The following MYO16 variants were observed in gnomAD, a reference collection of about 807,000 sequenced individuals.
MYO16 encodes unconventional myosin-XVI.
In MYO16, 94 loss-of-function variants were observed where a neutral mutation model predicts 205.3. The ratio of observed to expected loss-of-function variants is 0.46; its 90% CI spans 0.39 to 0.54. MYO16 has a LOEUF of 0.54. MYO16 is among the 20% of genes least tolerant of loss of function. The pLI is 0.00. For synonymous variants in MYO16, 988 were observed against 954.0 expected (o/e 1.04, Z -0.66); for missense variants, 2,315 against 2,387.5 (o/e 0.97, Z 0.63).
chr13:108,847,157 G>T (rs1877564828), intron 10 of MYO16, among the ~76,000 whole-genome samples: 1 of 152,248 alleles, frequency 6.6e-6, no homozygotes, highest in East Asian at 1.9e-4. Context: ...GACATAAAGT[G>T]TTCTTCAAAT....
chr13:108,619,686 G>T (rs1053302034), intron 1 of MYO16, among the ~76,000 whole-genome samples: 1 of 152,078 alleles, frequency 6.6e-6, no homozygotes, highest in African/African-American at 2.4e-5. Context: ...GAGGCAGTTT[G>T]CCCGCTGTGA....
At chr13:108,767,996 A>ATCCT (rs1309238773) in intron 4 of MYO16, among the ~76,000 whole-genome samples, 11 of 152,188 alleles carry the variant, frequency 7.2e-5, no homozygotes, top group Non-Finnish European at 1.6e-4. Context: ...ATTTACTGCA[A>ATCCT]TGTGCATTAA....
chr13:108,972,349 G>T (rs1408373681), intron 20 of MYO16, among the ~76,000 whole-genome samples: 4 of 4,218 alleles, frequency 9.5e-4, no homozygotes, highest in Non-Finnish European at 1.7e-3. Context: ...TATATATATA[G>T]CCATATATAT....
Position 109,179,526 on chromosome 13 carries a change from G to A in MYO16, c.5324-16G>A, listed in dbSNP as rs1876752214. The A allele has an allele frequency of 3.2e-6, 5 of 1,584,910 alleles. No homozygotes were observed. Among genetic ancestry groups the A allele is most frequent in the Non-Finnish European group, 4.3e-6 (5 of 1,153,506 alleles). ...GGAGACACTGCTTAACTCCCGATTT[G>A]TGTTGACCTCAATAGGTTTACCTGA... On this transcript the variant is annotated splice_polypyrimidine_tract_variant and intron_variant, in intron 33 of 34. Coordinates refer to ENST00000457511, the MANE Select transcript of MYO16 (RefSeq NM_001198950.3).
Position 109,075,953 on chromosome 13 carries a change from T to C in MYO16, c.3335+20358T>C, listed in dbSNP as rs561431595. Among the ~76,000 whole-genome samples, 4 of 152,344 alleles carry C rather than the reference T, an allele frequency of 2.6e-5. No individual in the cohort carries two copies. The South Asian group carries it at 8.3e-4, about 32-fold the overall frequency. On this transcript the variant is annotated intron_variant, in intron 27 of 34. Coordinates refer to ENST00000457511, the MANE Select transcript of MYO16 (RefSeq NM_001198950.3). Reference sequence around the variant, plus strand: ...GCCACTTGGGTATGAAGATGTCTTATCTGGAAGGTTGTGAACATGAACTCA... The same window carrying C: ...GCCACTTGGGTATGAAGATGTCTTACCTGGAAGGTTGTGAACATGAACTCA...
chr13:108,999,011 G>A (rs1885128194), intron 21 of MYO16, among the ~76,000 whole-genome samples: 1 of 152,188 alleles, frequency 6.6e-6, no homozygotes, highest in Admixed American at 6.5e-5. Context: ...AGCATGCCCA[G>A]GTTCAGAGAG....
intron 10 of MYO16, among the ~76,000 whole-genome samples, chr13:108,848,531 TG>T (rs1231909144): frequency 6.6e-5 from 10 of 152,050 alleles, no homozygotes; most frequent in African/African-American, 1.9e-4. Flanking sequence ...AGGCTGGGAG[TG>T]GTGGCTTACT....
chr13:108,949,962 C>T (rs1292829997), intron 16 of MYO16, among the ~76,000 whole-genome samples: 1 of 150,094 alleles, frequency 6.7e-6, no homozygotes, highest in African/African-American at 2.5e-5. Context: ...AGGTGCTGGA[C>T]AACTGGGCAT....
At chr13:109,056,835 A>G (rs549960922) in intron 27 of MYO16, among the ~76,000 whole-genome samples, 1 of 152,294 alleles carries the variant, frequency 6.6e-6, no homozygotes, top group Admixed American at 6.5e-5. Context: ...TGGTAATTCT[A>G]TATAAAATAA....
At chr13:108,564,138 C>T in the MYO16 span, among the ~76,000 whole-genome samples, 3 of 148,388 alleles carry the variant, frequency 2.0e-5, no homozygotes, top group East Asian at 5.9e-4. Flanking sequence ...TGTCTGTCTT[C>T]TTTTCAGAAA....
Position 109,206,889 on chromosome 13 carries a change from G to A in MYO16, c.*53G>A. The A allele has an allele frequency of 6.6e-7, 1 of 1,520,864 alleles. No homozygotes were observed. The highest frequency in any genetic ancestry group is 1.8e-5 in the Admixed American group (1 of 54,400). The allele number at this position is 1,520,864 out of a possible 1,614,324, so 94.2% of individuals were successfully genotyped here. ...TAGAACTGCCTACTGATTCCGGGCTGCAACAACAGAAGGCTGCCTTCTGAC... is the reference window on the plus strand; with the variant it reads ...TAGAACTGCCTACTGATTCCGGGCTACAACAACAGAAGGCTGCCTTCTGAC... On this transcript the variant is annotated 3_prime_UTR_variant, in exon 35 of 35. Coordinates refer to ENST00000457511, the MANE Select transcript of MYO16 (RefSeq NM_001198950.3).
the MYO16 span, among the ~76,000 whole-genome samples, chr13:108,554,571 C>T: frequency 5.3e-5 from 8 of 152,208 alleles, no homozygotes; most frequent in African/African-American, 7.2e-5. Flanking sequence ...CTGTCTCAGC[C>T]GGGCGTGGTG....
chr13:108,971,137 A>G (rs1436545540), intron 20 of MYO16, among the ~76,000 whole-genome samples: 1 of 152,136 alleles, frequency 6.6e-6, no homozygotes, highest in Non-Finnish European at 1.5e-5. Context: ...TTACATCCCC[A>G]AGATTGAATT....
At chr13:108,706,372 ATGCTGAACATATATCTCAG>A (rs1339855046) in intron 2 of MYO16, among the ~76,000 whole-genome samples, 2 of 152,342 alleles carry the variant, frequency 1.3e-5, no homozygotes, top group Non-Finnish European at 2.9e-5. Flanking sequence ...CATGATGATA[ATGCTGAACATATATCTCAG>A]TGTGATCCTT....
At chr13:109,194,751 T>G (rs1880074624) in intron 34 of MYO16, among the ~76,000 whole-genome samples, 1 of 152,164 alleles carries the variant, frequency 6.6e-6, no homozygotes, top group African/African-American at 2.4e-5. Flanking sequence ...GCATATGGGC[T>G]TGATTCTTTC....
intron 4 of MYO16, among the ~76,000 whole-genome samples, chr13:108,740,255 A>G (rs893562195): frequency 6.7e-6 from 1 of 149,504 alleles, no homozygotes; most frequent in African/African-American, 2.5e-5. Flanking sequence ...TTTTTTCCCC[A>G]TCTTTGTGTT....
At chr13:108,957,884 C>A (rs567742446) in intron 17 of MYO16, 85 bp downstream of exon 17, 3 of 1,056,640 alleles carry the variant, frequency 2.8e-6, no homozygotes, top group African/African-American at 1.6e-5. Context: ...ATTTACTGAG[C>A]CCCTATGACA....
At chr13:108,811,205 C>T (rs1453053547) in intron 7 of MYO16, among the ~76,000 whole-genome samples, 1 of 152,024 alleles carries the variant, frequency 6.6e-6, no homozygotes, top group Non-Finnish European at 1.5e-5. Context: ...GTTTAAAAAC[C>T]CATTTTTATT....
intron 6 of MYO16, among the ~76,000 whole-genome samples, chr13:108,796,353 G>A (rs1886788487): frequency 6.6e-6 from 1 of 152,206 alleles, no homozygotes; most frequent in South Asian, 2.1e-4. Context: ...GTGGAAGTCA[G>A]TGTGGCAATT....
Sources: allele counts gnomAD v4.1 joint callset (sites outside exome capture counted in the v4.1 genomes callset), GRCh38; gene constraint gnomAD v4.1.1; transcripts MANE v1.5; gene names NCBI Gene and HGNC (gene_info 2026-07-23, HGNC 2026-07-21).